SLC2A9: variants seen among roughly 807,000 people sequenced by gnomAD.
The protein encoded by SLC2A9 is solute carrier family 2, facilitated glucose transporter member 9.
In SLC2A9, 39 loss-of-function variants were observed where a neutral mutation model predicts 50.6. The observed-to-expected ratio is 0.77, with a 90% CI of 0.60 to 1.01. SLC2A9 has a LOEUF of 1.01. SLC2A9 is among the 50% of genes least tolerant of loss of function. SLC2A9 has a pLI of 0.00. For missense variants in SLC2A9, 686 were observed against 677.6 expected (o/e 1.01, Z -0.14); for synonymous variants, 324 against 276.9 (o/e 1.17, Z -1.69).
At chr4:9,904,352 G>T (rs1316757013) in intron 8 of SLC2A9, among the ~76,000 whole-genome samples, 1 of 152,150 alleles carries the variant, frequency 6.6e-6, no homozygotes, top group African/African-American at 2.4e-5. Flanking sequence ...CTGGGCGTGT[G>T]ACCCCTTCCT....
At chr4:9,888,260 A>AGTATATATATACATATATATATATATAT (rs1736671435) in intron 9 of SLC2A9, among the ~76,000 whole-genome samples, 3 of 127,750 alleles carry the variant, frequency 2.3e-5, no homozygotes, top group South Asian at 2.3e-4. Flanking sequence ...CAGAACTTAA[A>AGTATATATATACATATATATATATATAT]GTATATATAT....
intron 10 of SLC2A9, among the ~76,000 whole-genome samples, chr4:9,869,778 G>A (rs764201701): frequency 2.0e-5 from 3 of 152,206 alleles, no homozygotes; most frequent in Non-Finnish European, 4.4e-5. Flanking sequence ...TTTGGTAGAG[G>A]AGGCCAAAGT....
At chr4:9,845,008 A>G (rs953438034) in intron 10 of SLC2A9, among the ~76,000 whole-genome samples, 1 of 150,090 alleles carries the variant, frequency 6.7e-6, no homozygotes, top group Non-Finnish European at 1.5e-5. Context: ...CACGTACCCT[A>G]GAAAAAGTTC....
intron 7 of SLC2A9, among the ~76,000 whole-genome samples, chr4:9,917,000 G>A (rs1435666428): frequency 6.6e-6 from 1 of 152,172 alleles, no homozygotes; most frequent in Non-Finnish European, 1.5e-5. Context: ...CTCTCCAGGT[G>A]AGGGGAGCAC....
intron 3 of SLC2A9, among the ~76,000 whole-genome samples, chr4:9,803,047 T>G (rs950260842): frequency 6.6e-6 from 1 of 152,226 alleles, no homozygotes; most frequent in Non-Finnish European, 1.5e-5. Context: ...GAAACTTGCT[T>G]GGCAAGTGTA....
chr4:10,001,963 G>C (rs1011006348), intron 2 of SLC2A9, among the ~76,000 whole-genome samples: 1 of 152,206 alleles, frequency 6.6e-6, no homozygotes, highest in African/African-American at 2.4e-5. Flanking sequence ...ATGTGACCAA[G>C]GCTCAGCCAA....
chr4:9,874,700 T>C (rs543257890), intron 10 of SLC2A9, among the ~76,000 whole-genome samples: 1 of 152,376 alleles, frequency 6.6e-6, no homozygotes, highest in South Asian at 2.1e-4. Context: ...TGTCAGAACC[T>C]GGCTGGGAGA....
In SLC2A9 at chr4:9,890,800, C is replaced by G. The variant is rs114361719; in HGVS notation, c.1114-89G>C. The G allele has an allele frequency of 0.023, 27,234 of 1,205,852 alleles. 401 individuals are homozygous for G. The highest frequency in any genetic ancestry group is 0.028 in the Middle Eastern group (142 of 5,050). 74.7% of individuals were successfully genotyped at this position (1,205,852 alleles called of 1,614,324 possible). A position where few individuals can be genotyped will look rare whatever the true frequency, so the allele number is the denominator to read the frequency against. ...TGGCACTGGGAACCGGCAATGGCAT[C>G]ATGATTAAAAACCGGCTTTGACCCT... On this transcript the variant is annotated intron_variant, in intron 8 of 11. Transcript: ENST00000264784.
upstream of SLC2A9, among the ~76,000 whole-genome samples, chr4:10,023,778 G>A (rs1416493719): frequency 1.3e-5 from 2 of 152,194 alleles, no homozygotes; most frequent in Non-Finnish European, 2.9e-5. Flanking sequence ...TTAGTCCTCA[G>A]AGGAACTATC....
At chr4:9,900,089 G>A (rs1173627129) in intron 8 of SLC2A9, among the ~76,000 whole-genome samples, 2 of 152,212 alleles carry the variant, frequency 1.3e-5, no homozygotes, top group Non-Finnish European at 2.9e-5. Context: ...AAGGAGCAGA[G>A]AAAGAGACAC....
At chr4:9,883,642 C>G (rs1212547811) in intron 10 of SLC2A9, among the ~76,000 whole-genome samples, 1 of 152,182 alleles carries the variant, frequency 6.6e-6, no homozygotes, top group African/African-American at 2.4e-5. Context: ...GGGCAAAGAA[C>G]AGGACAGAGC....
chr4:9,827,950 G>T (rs1222723529), intron 11 of SLC2A9, among the ~76,000 whole-genome samples: 2 of 152,194 alleles, frequency 1.3e-5, no homozygotes, highest in Admixed American at 1.3e-4. Flanking sequence ...GCAACATGGT[G>T]ATATATACCC....
chr4:9,927,790 C>T (rs1745170815), intron 6 of SLC2A9, among the ~76,000 whole-genome samples: 1 of 152,130 alleles, frequency 6.6e-6, no homozygotes, highest in African/African-American at 2.4e-5. Context: ...CTGGAGCCTT[C>T]ACATGGCCTA....
chr4:9,917,572 C>T (rs1258662848), intron 7 of SLC2A9, among the ~76,000 whole-genome samples: 1 of 151,998 alleles, frequency 6.6e-6, no homozygotes, highest in Non-Finnish European at 1.5e-5. Flanking sequence ...CTCAGGTGAT[C>T]CGCCTGCCTC....
intron 3 of SLC2A9, among the ~76,000 whole-genome samples, chr4:9,789,361 T>C (rs1719619330): frequency 6.6e-6 from 1 of 152,238 alleles, no homozygotes; most frequent in South Asian, 2.1e-4. Context: ...ATGGTCTTCT[T>C]GTGACTGTGT....
intron 1 of SLC2A9, among the ~76,000 whole-genome samples, chr4:10,030,653 T>A (rs1307241373): frequency 6.6e-6 from 1 of 152,122 alleles, no homozygotes; most frequent in Non-Finnish European, 1.5e-5. Flanking sequence ...CTCCTCTAAA[T>A]ACAAAAACAA....
intron 10 of SLC2A9, among the ~76,000 whole-genome samples, chr4:9,882,404 C>T (rs188767302): frequency 2.0e-5 from 3 of 152,198 alleles, no homozygotes; most frequent in Admixed American, 6.5e-5. Flanking sequence ...TAGCATTTGC[C>T]TCTTAGCTAT....
chr4:9,977,742 C>T (rs1283897618), intron 5 of SLC2A9, among the ~76,000 whole-genome samples: 1 of 152,112 alleles, frequency 6.6e-6, no homozygotes, highest in Non-Finnish European at 1.5e-5. Flanking sequence ...AGGAAAACCA[C>T]CCCCGATGCC....
intron 3 of SLC2A9, among the ~76,000 whole-genome samples, chr4:9,991,428 G>C (rs1300663746): frequency 6.6e-6 from 1 of 152,196 alleles, no homozygotes; most frequent in African/African-American, 2.4e-5. Flanking sequence ...TCGGGCCAAG[G>C]AGATTCATGC....
Sources: gnomAD v4.1 joint callset for allele counts (sites outside exome capture counted in the v4.1 genomes callset) on GRCh38, gnomAD v4.1.1 for gene constraint, MANE v1.5 for transcripts, NCBI Gene and HGNC (gene_info 2026-07-23, HGNC 2026-07-21) for gene names.